CCAR2: variants seen among roughly 807,000 people sequenced by gnomAD.
The protein encoded by CCAR2 is cell cycle and apoptosis regulator protein 2.
Under a neutral mutation model 108.1 loss-of-function variants are expected in CCAR2, and 21 were observed. That is an observed-to-expected ratio of 0.19 (90% CI 0.14 to 0.28). The LOEUF (loss-of-function observed/expected upper bound fraction) is 0.28. Ranked by LOEUF, CCAR2 falls within the 10% of genes least tolerant of loss-of-function variation. The pLI, the probability that CCAR2 is intolerant of heterozygous loss-of-function variation, is 1.00. For synonymous variants in CCAR2, 577 were observed against 472.8 expected, an observed-to-expected ratio of 1.22 and a Z score of -2.86; for missense variants, 1,126 against 1,177.0, an observed-to-expected ratio of 0.96 and a Z score of 0.63.
chr8:22,611,134 G>T (rs1025477960), intron 7 of CCAR2, among the ~76,000 whole-genome samples: 8 of 151,740 alleles, frequency 5.3e-5, no homozygotes, highest in Non-Finnish European at 8.8e-5. Context: ...GCTGAGGCGG[G>T]CGGATTACTT....
chr8:22,612,993 T>G, intron 7 of CCAR2, 24 bp from the exon 8 acceptor site: 1 of 1,605,484 alleles, frequency 6.2e-7, no homozygotes, highest in Non-Finnish European at 8.5e-7. Context: ...GGTTTCTTAC[T>G]GTTGGTGATG....
chr8:22,619,140 C>A lies in CCAR2; in HGVS notation c.2522-10C>A. 2 of 1,603,694 alleles carry A rather than the reference C, an allele frequency of 1.2e-6. No homozygotes were observed. Among genetic ancestry groups the A allele is most frequent in the Non-Finnish European group, 1.7e-6 (2 of 1,174,538 alleles). ...GAGCAGCCGTCCCCGTTTCCTTCTC[C>A]ACCTTGCAGAGGAGAGCCATAACCG... On this transcript the variant is annotated splice_polypyrimidine_tract_variant and intron_variant, in intron 19 of 20. Transcript: ENST00000308511.
chr8:22,621,322 A>C, downstream of CCAR2: 1 of 1,444,646 alleles, frequency 6.9e-7, no homozygotes, highest in Non-Finnish European at 9.2e-7. Flanking sequence ...AACCAGGGCC[A>C]CCTCTGTCCC....
chr8:22,618,309 A>C (rs199599717), intron 16 of CCAR2, 40 bp from the exon 17 acceptor site: 2 of 1,613,496 alleles, frequency 1.2e-6, no homozygotes, highest in Non-Finnish European at 1.7e-6. Context: ...CCACTGAGGG[A>C]ACTATTTGCA....
intron 7 of CCAR2, among the ~76,000 whole-genome samples, chr8:22,609,682 G>C (rs1801206125): frequency 6.6e-6 from 1 of 152,122 alleles, no homozygotes; most frequent in Non-Finnish European, 1.5e-5. Flanking sequence ...TTTATTAAAG[G>C]CTTCATTACA....
At chr8:22,621,204 G>C (rs1266891777), downstream of CCAR2, 4 of 607,414 alleles carry the variant, frequency 6.6e-6, no homozygotes, top group Non-Finnish European at 1.1e-5. Flanking sequence ...CCAAGGGTTT[G>C]TCTACACTGC....
intron 7 of CCAR2, 148 bp from the exon 8 acceptor site, chr8:22,612,869 A>G: frequency 1.2e-6 from 1 of 838,416 alleles, no homozygotes; most frequent in Non-Finnish European, 1.8e-6. Flanking sequence ...TATCTTTATA[A>G]CATTCTGTCA....
In CCAR2 at chr8:22,618,880, C is replaced by A. The variant is rs1455214021; in HGVS notation, c.2386C>A (p.Pro796Thr). The A allele has an allele frequency of 1.9e-6, 3 of 1,613,882 alleles. No individual in the cohort carries two copies. In the Admixed American group the frequency reaches 5.0e-5, roughly 27 times the overall value. The change falls in exon 19 of 21, where the codon CCC (proline) becomes ACC (threonine). Residue 796 changes from proline to threonine, a missense_variant. Transcript: ENST00000308511. ...GAAAAGCACGAAGCCAGGTGCTGCC[C>A]CCACAGAACACAAAGCCTTGGTGTC... Reference protein sequence around the residue: ...PGKSTKPGAAPTEHKALVSHN... With the variant: ...PGKSTKPGAATTEHKALVSHN...
chr8:22,614,890 C>T lies in CCAR2; in HGVS notation c.1094C>T (p.Ser365Phe), dbSNP rs750726126. The change falls in exon 11 of 21, where the codon TCT becomes TTT. Residue 365 changes from serine (S) to phenylalanine (F), a missense_variant. Physicochemically the swap from Ser to Phe is radical, Grantham distance 155. This residue lies in a region of CCAR2 where 1,013 missense variants were observed against 993.9 expected (regional missense o/e 1.02). Coordinates refer to ENST00000308511, the MANE Select transcript of CCAR2 (RefSeq NM_001393997.1). ...GCAGTGCTGGTTGGGGGTGAATGGTCTCCTTCCCTGGATGGCCTCGACCCC... is the reference window on the plus strand; with the variant it reads ...GCAGTGCTGGTTGGGGGTGAATGGTTTCCTTCCCTGGATGGCCTCGACCCC... ...EEAVLVGGEW[S>F]PSLDGLDPQA... 5.0e-6 allele frequency: 8 copies of T among 1,614,010 alleles called. No homozygotes were observed. The highest frequency in any genetic ancestry group is 6.8e-6 in the Non-Finnish European group (8 of 1,180,014).
intron 1 of CCAR2, chr8:22,605,068 G>C (rs1269651148): frequency 3.8e-6 from 1 of 262,402 alleles, no homozygotes. Flanking sequence ...CCTCGCCGCG[G>C]CTCTGCTGGG....
chr8:22,617,174 CAAAT>C (rs781548599), intron 14 of CCAR2, among the ~76,000 whole-genome samples: 8 of 151,922 alleles, frequency 5.3e-5, no homozygotes, highest in East Asian at 3.9e-4. Flanking sequence ...TACTATCAAT[CAAAT>C]GAATGTAATT....
intron 16 of CCAR2, chr8:22,618,055 G>T: frequency 1.7e-6 from 1 of 590,964 alleles, no homozygotes; most frequent in Non-Finnish European, 3.0e-6. Context: ...GCTGGCTTGG[G>T]CGTGATGAAC....
At chr8:22,608,524 G>A (rs916273688) in intron 7 of CCAR2, among the ~76,000 whole-genome samples, 7 of 152,136 alleles carry the variant, frequency 4.6e-5, no homozygotes, top group Non-Finnish European at 1.0e-4. Context: ...ATTGCACTCT[G>A]CCTGGGAGTT....
intron 7 of CCAR2, among the ~76,000 whole-genome samples, chr8:22,611,148 G>A (rs1801258354): frequency 6.6e-6 from 1 of 151,622 alleles, no homozygotes; most frequent in South Asian, 2.1e-4. Flanking sequence ...ATTACTTGAA[G>A]TCAGGAGTTC....
At position 22,619,914 on chromosome 8, in the gene CCAR2, G is replaced by A; in HGVS notation, c.*232G>A. ...TTAACAACTAAATACAACATCTTTT[G>A]CACCCCTAGAATGTCATTTTGCCCT... On this transcript the variant is annotated 3_prime_UTR_variant, in exon 21 of 21. Transcript: ENST00000308511. The A allele has an allele frequency of 1.7e-6, 1 of 573,086 alleles. No homozygotes were observed. The highest frequency in any genetic ancestry group is 3.1e-6 in the Non-Finnish European group (1 of 319,186). The allele number at this position is 573,086 out of a possible 1,614,324, so 35.5% of individuals were successfully genotyped here.
At chr8:22,615,273 T>C in intron 11 of CCAR2, 152 bp from the exon 12 acceptor site, 1 of 1,029,296 alleles carries the variant, frequency 9.7e-7, no homozygotes. Flanking sequence ...TCTTGAGGAC[T>C]TGGTCTGTAG....
rs755617496 is a variant in CCAR2, at chr8:22,620,417, G to GCTTT, written c.*735_*736insCTTT. On this transcript the variant is annotated 3_prime_UTR_variant, in exon 21 of 21. Transcript: ENST00000308511. ...GTTTGACTTTGTATATAAAGTTGGG[G>GCTTT]TTTTTTTTTTTTTTTTTTGGCTTGT... The GCTTT allele has an allele frequency of 5.6e-5, 7 of 124,092 alleles. No individual in the cohort carries two copies. Among genetic ancestry groups the GCTTT allele is most frequent in the Non-Finnish European group, 1.2e-4 (7 of 59,356 alleles). 7.7% of individuals were successfully genotyped at this position (124,092 alleles called of 1,614,324 possible).
At chr8:22,617,238 C>CGAT in intron 14 of CCAR2, 182 bp from the exon 15 acceptor site, 1 of 629,398 alleles carries the variant, frequency 1.6e-6, no homozygotes, top group Non-Finnish European at 2.5e-6. Flanking sequence ...AGGTGTCTGG[C>CGAT]GATGCCCTGG....
At chr8:22,614,046 G>A in intron 8 of CCAR2, 46 bp from the exon 9 acceptor site, 1 of 1,539,016 alleles carries the variant, frequency 6.5e-7, no homozygotes, top group Non-Finnish European at 8.9e-7. Flanking sequence ...CATTTCGAAT[G>A]TTTTAGTCTT....
Sources: allele counts gnomAD v4.1 joint callset (sites outside exome capture counted in the v4.1 genomes callset), GRCh38; gene constraint gnomAD v4.1.1; regional missense constraint gnomAD v4.1.1; transcripts MANE v1.5; gene names NCBI Gene and HGNC (gene_info 2026-07-23, HGNC 2026-07-21).